The following KCNH5 variants were observed in gnomAD, a reference collection of about 807,000 sequenced individuals.
KCNH5 encodes potassium voltage-gated channel subfamily H member 5.
A neutral mutation model predicts 96.1 loss-of-function variants in KCNH5; 46 were observed. The ratio of observed to expected loss-of-function variants is 0.48; its 90% CI spans 0.38 to 0.61. The LOEUF (loss-of-function observed/expected upper bound fraction) is 0.61, where lower values mean the gene tolerates loss of function less well. Among genes scored for constraint, KCNH5 ranks in the 20% least tolerant of loss-of-function variants. The pLI, the probability that KCNH5 is intolerant of heterozygous loss-of-function variation, is 0.00. For missense variants in KCNH5, 907 were observed against 1,225.8 expected (o/e 0.74, Z 3.88); for synonymous variants, 439 against 449.8 (o/e 0.98, Z 0.30).
Position 62,715,381 on chromosome 14 carries a change from T to C in KCNH5, c.2020-6926A>G, listed in dbSNP as rs138835077. On this transcript the variant is annotated intron_variant, in intron 10 of 10. Transcript: ENST00000322893. Reference sequence around the variant, plus strand: ...AGTGAGTAGCTCTGGTTCATCTGACTCTCCTGGGATTTAGTTGGTTTGATT... The same window carrying C: ...AGTGAGTAGCTCTGGTTCATCTGACCCTCCTGGGATTTAGTTGGTTTGATT... 8.0e-3 allele frequency among the ~76,000 whole-genome samples: 1,222 copies of C among 152,310 alleles called. 11 individuals carry two copies. The highest frequency in any genetic ancestry group is 0.011 in the Non-Finnish European group (764 of 68,030).
intron 2 of KCNH5, 84 bp from the exon 3 acceptor site, chr14:63,006,556 T>A: frequency 1.3e-6 from 1 of 760,360 alleles, no homozygotes; most frequent in Non-Finnish European, 2.3e-6. Flanking sequence ...TGTCTTTGAC[T>A]AGTCAAATGT....
chr14:63,033,569 A>G (rs762476990), intron 1 of KCNH5, among the ~76,000 whole-genome samples: 2 of 152,188 alleles, frequency 1.3e-5, no homozygotes, highest in Non-Finnish European at 2.9e-5. Context: ...TATTTGATGT[A>G]GGCTTGGTGA....
intron 7 of KCNH5, among the ~76,000 whole-genome samples, chr14:62,937,459 C>T (rs889802099): frequency 6.6e-6 from 1 of 152,166 alleles, no homozygotes; most frequent in African/African-American, 2.4e-5. Flanking sequence ...TCCTATAAGG[C>T]CCTGAATGGT....
In KCNH5 at chr14:62,981,247, T is replaced by C. The variant is rs1320581379; in HGVS notation, c.567A>G (p.Ser189=). Residue 189 remains serine (S), a synonymous_variant, in exon 6 of 11, where the codon TCA becomes TCG. Transcript: ENST00000322893. The part of the protein sequence containing the change: ...SRLAEVLQLG[S]DILPQYKQEA... ...CTTGTTTATACTGAGGAAGGATATC[T>C]GATCCCAGCTGAAGAACCTAAAAGA... The C allele has an allele frequency of 6.2e-7, 1 of 1,614,080 alleles. No individual in the cohort carries two copies. Among genetic ancestry groups the C allele is most frequent in the South Asian group, 1.1e-5 (1 of 91,082 alleles).
intron 8 of KCNH5, among the ~76,000 whole-genome samples, chr14:62,805,766 TA>T (rs1445678223): frequency 6.6e-6 from 1 of 152,210 alleles, no homozygotes; most frequent in African/African-American, 2.4e-5. Context: ...ATACTTAGGT[TA>T]AAAGTGACTT....
chr14:62,813,790 T>A (rs1428014269), intron 8 of KCNH5, among the ~76,000 whole-genome samples: 1 of 152,198 alleles, frequency 6.6e-6, no homozygotes, highest in Non-Finnish European at 1.5e-5. Context: ...ATTTTTACAA[T>A]CCTTCCTGGG....
intron 6 of KCNH5, among the ~76,000 whole-genome samples, chr14:62,972,033 T>C (rs757815587): frequency 7.2e-5 from 11 of 152,070 alleles, no homozygotes; most frequent in Non-Finnish European, 1.3e-4. Context: ...AAAATTCTGC[T>C]CTGCAAAAGT....
chr14:62,720,910 C>T (rs1183571284), intron 10 of KCNH5, among the ~76,000 whole-genome samples: 1 of 152,192 alleles, frequency 6.6e-6, no homozygotes, highest in Non-Finnish European at 1.5e-5. Context: ...TATATACACA[C>T]ATGCACAGTA....
intron 4 of KCNH5, among the ~76,000 whole-genome samples, chr14:62,996,962 A>G (rs1890916293): frequency 6.6e-6 from 1 of 152,244 alleles, no homozygotes; most frequent in African/African-American, 2.4e-5. Context: ...GTCACAAATC[A>G]GATGCCAATT....
intron 6 of KCNH5, among the ~76,000 whole-genome samples, chr14:62,964,905 CT>C (rs139900247): frequency 0.089 from 13,482 of 152,118 alleles, 627 homozygotes; most frequent in Non-Finnish European, 0.1. Context: ...TCCCTCTCCC[CT>C]AGTGCAAAAA....
intron 7 of KCNH5, among the ~76,000 whole-genome samples, chr14:62,918,011 T>C (rs1347726968): frequency 6.6e-6 from 1 of 152,158 alleles, no homozygotes; most frequent in African/African-American, 2.4e-5. Flanking sequence ...AGGATCCTGG[T>C]ATAGAGTCAT....
At chr14:62,813,184 T>C (rs1886906751) in intron 8 of KCNH5, among the ~76,000 whole-genome samples, 1 of 152,160 alleles carries the variant, frequency 6.6e-6, no homozygotes. Flanking sequence ...TATGAGAGTA[T>C]GTTGCATGTT....
At chr14:62,763,857 A>T (rs191847508) in intron 10 of KCNH5, among the ~76,000 whole-genome samples, 85 of 152,340 alleles carry the variant, frequency 5.6e-4, no homozygotes, top group African/African-American at 1.9e-3. Flanking sequence ...CACTGAACAG[A>T]CCAATAACAA....
intron 8 of KCNH5, among the ~76,000 whole-genome samples, chr14:62,831,317 C>G (rs1305860819): frequency 6.6e-6 from 1 of 152,150 alleles, no homozygotes; most frequent in South Asian, 2.1e-4. Context: ...CTGTTTTCAT[C>G]TGAACTGTAG....
chr14:62,895,458 G>C (rs569591089), intron 7 of KCNH5, among the ~76,000 whole-genome samples: 5 of 151,984 alleles, frequency 3.3e-5, no homozygotes, highest in Non-Finnish European at 7.4e-5. Context: ...AGCCTCCCGA[G>C]TAGCTGGGAT....
chr14:62,916,961 A>C (rs990041525), intron 7 of KCNH5, among the ~76,000 whole-genome samples: 7 of 152,198 alleles, frequency 4.6e-5, no homozygotes, highest in Admixed American at 2.0e-4. Flanking sequence ...GAATCCTGAA[A>C]ATTCTAGAAT....
chr14:62,749,605 C>T (rs1885452837), intron 10 of KCNH5, among the ~76,000 whole-genome samples: 1 of 152,222 alleles, frequency 6.6e-6, no homozygotes, highest in Non-Finnish European at 1.5e-5. Flanking sequence ...GATCACATAA[C>T]TCTGTAGCTT....
chr14:62,980,318 C>A (rs1890581955), intron 6 of KCNH5, among the ~76,000 whole-genome samples: 1 of 152,022 alleles, frequency 6.6e-6, no homozygotes, highest in Non-Finnish European at 1.5e-5. Flanking sequence ...AGGAAGAAAC[C>A]AAAGTGGCAA....
intron 10 of KCNH5, among the ~76,000 whole-genome samples, chr14:62,761,900 G>A (rs554663103): frequency 6.6e-6 from 1 of 152,204 alleles, no homozygotes; most frequent in South Asian, 2.1e-4. Flanking sequence ...GCAGACCCTG[G>A]GGTGAAGGGA....
Sources: gnomAD v4.1 joint callset for allele counts (sites outside exome capture counted in the v4.1 genomes callset) on GRCh38, gnomAD v4.1.1 for gene constraint, MANE v1.5 for transcripts, NCBI Gene and HGNC (gene_info 2026-07-23, HGNC 2026-07-21) for gene names.